Variants in INPP4B observed in about 807,000 individuals in gnomAD.
INPP4B encodes inositol polyphosphate 4-phosphatase type II.
Under a neutral mutation model 122.5 loss-of-function variants are expected in INPP4B, and 55 were observed. The observed-to-expected ratio is 0.45, with a 90% CI of 0.36 to 0.56. The LOEUF (loss-of-function observed/expected upper bound fraction) is 0.56, where lower values mean the gene tolerates loss of function less well. Ranked by LOEUF, INPP4B falls within the 20% of genes least tolerant of loss-of-function variation. The probability of loss-of-function intolerance (pLI) is 0.00; values close to 1 mark genes in which losing one functional copy is unlikely to be tolerated. For synonymous variants in INPP4B, 403 were observed against 388.7 expected (o/e 1.04, Z -0.43); for missense variants, 1,000 against 1,097.7 (o/e 0.91, Z 1.26).
chr4:142,100,460 G>T (rs1435564614), intron 23 of INPP4B, among the ~76,000 whole-genome samples: 1 of 152,114 alleles, frequency 6.6e-6, no homozygotes, highest in Non-Finnish European at 1.5e-5. Flanking sequence ...TAGCACCTGG[G>T]TTAGTAGCAA....
At chr4:142,496,749 A>G (rs1274821791) in intron 2 of INPP4B, among the ~76,000 whole-genome samples, 1 of 152,158 alleles carries the variant, frequency 6.6e-6, no homozygotes, top group East Asian at 1.9e-4. Flanking sequence ...ATGTGAAATG[A>G]CTTTGGATTA....
chr4:142,565,091 CT>C (rs994759452), intron 2 of INPP4B, among the ~76,000 whole-genome samples: 5 of 148,626 alleles, frequency 3.4e-5, no homozygotes, highest in African/African-American at 1.3e-4. Context: ...GTTTTATGAC[CT>C]TGACGATTTT....
chr4:142,636,983 T>C (rs1749295466), intron 2 of INPP4B, among the ~76,000 whole-genome samples: 1 of 152,166 alleles, frequency 6.6e-6, no homozygotes, highest in Non-Finnish European at 1.5e-5. Context: ...AGTACATCAC[T>C]TAAATTCTGC....
chr4:142,189,701 A>G (rs1342347765), intron 15 of INPP4B, among the ~76,000 whole-genome samples: 1 of 152,188 alleles, frequency 6.6e-6, no homozygotes, highest in Non-Finnish European at 1.5e-5. Context: ...AACGAGGAAA[A>G]AGGAAAAGGT....
At chr4:142,668,158 C>A (rs1274341452) in intron 2 of INPP4B, among the ~76,000 whole-genome samples, 2 of 152,136 alleles carry the variant, frequency 1.3e-5, no homozygotes, top group Non-Finnish European at 2.9e-5. Flanking sequence ...CTGAATTCAA[C>A]AGCACGATCA....
At chr4:142,681,510 A>G (rs1318262555) in intron 2 of INPP4B, among the ~76,000 whole-genome samples, 1 of 151,850 alleles carries the variant, frequency 6.6e-6, no homozygotes, top group Non-Finnish European at 1.5e-5. Context: ...TCAAATAACG[A>G]ATTTAAAAGT....
intron 8 of INPP4B, among the ~76,000 whole-genome samples, chr4:142,310,182 C>T (rs531941061): frequency 4.0e-4 from 60 of 151,320 alleles, no homozygotes; most frequent in African/African-American, 1.2e-3. Flanking sequence ...TTCAACTATT[C>T]TCCAGAGCTG....
rs76812967 is a variant in INPP4B at position 142,843,598 on chromosome 4, T to C, written c.-254+2611A>G. Among the ~76,000 whole-genome samples the C allele has an allele frequency of 5.1e-3, 776 of 152,126 alleles. 5 individuals are homozygous for C. The highest frequency in any genetic ancestry group is 0.018 in the African/African-American group (760 of 41,546). On this transcript the variant is annotated intron_variant, in intron 1 of 25. Coordinates refer to ENST00000262992, the MANE Select transcript of INPP4B (RefSeq NM_001101669.3). The stretch of plus-strand genomic sequence containing the variant: ...GTACAGATTAGGTATGATATTTGTA[T>C]ATCTAATATTAGTACTACTGGGCAT...
At chr4:142,496,511 T>C (rs1250138042) in intron 2 of INPP4B, among the ~76,000 whole-genome samples, 1 of 152,156 alleles carries the variant, frequency 6.6e-6, no homozygotes, top group Non-Finnish European at 1.5e-5. Flanking sequence ...TCCAAAATGG[T>C]AGTTTTTATT....
intron 1 of INPP4B, among the ~76,000 whole-genome samples, chr4:142,817,591 A>T (rs908074584): frequency 3.3e-5 from 5 of 152,116 alleles, no homozygotes; most frequent in Non-Finnish European, 7.4e-5. Context: ...TTGGCCACAC[A>T]GGCCTCAGAA....
At chr4:142,212,526 T>A (rs1054139346) in intron 12 of INPP4B, among the ~76,000 whole-genome samples, 1 of 152,200 alleles carries the variant, frequency 6.6e-6, no homozygotes, top group African/African-American at 2.4e-5. Flanking sequence ...TCAGACGTAT[T>A]TTTCCTTGCT....
intron 14 of INPP4B, among the ~76,000 whole-genome samples, chr4:142,206,463 G>T (rs1213825764): frequency 6.7e-6 from 1 of 149,108 alleles, no homozygotes; most frequent in Non-Finnish European, 1.5e-5. Flanking sequence ...TAATACATCA[G>T]AATAAGTATA....
At chr4:142,599,939 A>G (rs1312613366) in intron 2 of INPP4B, among the ~76,000 whole-genome samples, 1 of 151,956 alleles carries the variant, frequency 6.6e-6, no homozygotes, top group Non-Finnish European at 1.5e-5. Context: ...TTCAAAACCT[A>G]AAGACATGTT....
intron 25 of INPP4B, among the ~76,000 whole-genome samples, chr4:142,065,528 G>A (rs545217535): frequency 1.3e-5 from 2 of 152,274 alleles, no homozygotes; most frequent in East Asian, 1.9e-4. Context: ...GAACTTTACA[G>A]AGGAATAAAA....
intron 16 of INPP4B, among the ~76,000 whole-genome samples, chr4:142,173,283 T>C (rs185297972): frequency 1.3e-3 from 192 of 152,038 alleles, no homozygotes; most frequent in Non-Finnish European, 1.9e-3. Flanking sequence ...GCATAAAAAT[T>C]AGGTGATCAC....
chr4:142,801,562 C>T (rs1778011930), intron 1 of INPP4B, among the ~76,000 whole-genome samples: 1 of 152,166 alleles, frequency 6.6e-6, no homozygotes, highest in African/African-American at 2.4e-5. Flanking sequence ...GACTTTCAGC[C>T]TCCAGAACTG....
intron 7 of INPP4B, among the ~76,000 whole-genome samples, chr4:142,401,488 C>A (rs1196021180): frequency 6.6e-6 from 1 of 152,054 alleles, no homozygotes; most frequent in Non-Finnish European, 1.5e-5. Context: ...AATGTAGGGT[C>A]ACTTGAGAAA....
intron 21 of INPP4B, among the ~76,000 whole-genome samples, chr4:142,116,101 C>T (rs573758470): frequency 3.9e-5 from 6 of 152,076 alleles, no homozygotes; most frequent in East Asian, 3.9e-4. Context: ...CAATTCAACA[C>T]GAAGAGCTAA....
intron 9 of INPP4B, among the ~76,000 whole-genome samples, chr4:142,286,170 A>G (rs138713465): frequency 1.3e-5 from 2 of 152,342 alleles, no homozygotes; most frequent in East Asian, 3.9e-4. Context: ...GATTCTAGAG[A>G]TCAGTGGGAA....
Sources: allele counts gnomAD v4.1 joint callset (sites outside exome capture counted in the v4.1 genomes callset), GRCh38; gene constraint gnomAD v4.1.1; transcripts MANE v1.5; gene names NCBI Gene and HGNC (gene_info 2026-07-23, HGNC 2026-07-21).